MCM5: variants seen among roughly 807,000 people sequenced by gnomAD.
The protein encoded by MCM5 is DNA replication licensing factor MCM5.
MCM5 carries 46 observed loss-of-function variants against 79.9 expected under a neutral mutation model. That is an observed-to-expected ratio of 0.58 (90% CI 0.45 to 0.74). The LOEUF (loss-of-function observed/expected upper bound fraction) is 0.74. MCM5 is among the 30% of genes least tolerant of loss of function. MCM5 has a pLI of 0.00. For synonymous variants in MCM5, 404 were observed against 390.5 expected (o/e 1.03, Z -0.41); for missense variants, 883 against 1,017.0 (o/e 0.87, Z 1.79).
At position 35,414,068 on chromosome 22, in the gene MCM5, C is replaced by G. The variant is rs555773715; in HGVS notation, c.1203+82C>G. 4 of 828,284 alleles carry G rather than the reference C, an allele frequency of 4.8e-6. No homozygotes were observed. The African/African-American group carries it at 6.8e-5, about 14-fold the overall frequency. 51.3% of individuals were successfully genotyped at this position (828,284 alleles called of 1,614,324 possible). A position where few individuals can be genotyped will look rare whatever the true frequency, so the allele number is the denominator to read the frequency against. On this transcript the variant is annotated intron_variant, in intron 9 of 16. Transcript: ENST00000216122. ...CAGGGCCTCTGGGTCCTCAGGACAC[C>G]TGTGGTGGGCTGGCTCACCCGGAAT...
At chr22:35,406,493 A>G (rs529353648) in intron 4 of MCM5, 60 bp from the exon 5 acceptor site, 9 of 1,499,096 alleles carry the variant, frequency 6.0e-6, no homozygotes, top group Admixed American at 5.2e-5. Flanking sequence ...ATTTACTGGC[A>G]TATCTCAGAT....
the MCM5 span, among the ~76,000 whole-genome samples, chr22:35,447,391 A>T: frequency 3.3e-5 from 5 of 152,008 alleles, no homozygotes; most frequent in Non-Finnish European, 5.9e-5. Flanking sequence ...ATCTGTAAGG[A>T]GTCCTCTCTC....
the MCM5 span, among the ~76,000 whole-genome samples, chr22:35,437,505 G>T: frequency 6.6e-6 from 1 of 152,158 alleles, no homozygotes; most frequent in Non-Finnish European, 1.5e-5. Flanking sequence ...GAGAATCTTT[G>T]AACCCCTGGA....
chr22:35,403,446 G>C lies in MCM5; in HGVS notation c.327G>C (p.Glu109Asp). 6.2e-7 allele frequency: 1 copy of C among 1,614,224 alleles called. No homozygotes were observed. The highest frequency in any genetic ancestry group is 2.2e-5 in the East Asian group (1 of 44,886). Residue 109 changes from glutamate to aspartate, a missense_variant, in exon 4 of 17, where the codon GAG (glutamate) becomes GAC (aspartate). By Grantham distance (45) the Glu-to-Asp change is conservative (BLOSUM62 2). Coordinates refer to ENST00000216122, the MANE Select transcript of MCM5 (RefSeq NM_006739.4). The stretch of plus-strand genomic sequence containing the variant: ...AAGCTGCCAAGGAGGTAGCTGATGA[G>C]GTGACCCGGCCCCGGCCTTCTGGGG... Reference protein sequence around the residue: ...LEEAAKEVADEVTRPRPSGEE... With the variant: ...LEEAAKEVADDVTRPRPSGEE...
rs993403993 is a variant in MCM5, at chr22:35,406,646, C to T, written c.517C>T (p.Arg173Cys). The change falls in exon 5 of 17, where the codon CGC (arginine) becomes TGC (cysteine). Residue 173 changes from arginine to cysteine, a missense_variant. Physicochemically the swap from Arg to Cys is radical, Grantham distance 180. Transcript: ENST00000216122. ...GGCCACCCGCATCTCTATCCAGTGCCGCAGCTGCCGCAACACCCTCACCAA... is the reference window on the plus strand; with the variant it reads ...GGCCACCCGCATCTCTATCCAGTGCTGCAGCTGCCGCAACACCCTCACCAA... Reference protein sequence around the residue: ...AKATRISIQCRSCRNTLTNIA... With the variant: ...AKATRISIQCCSCRNTLTNIA... 6.8e-6 allele frequency: 11 copies of T among 1,612,422 alleles called. No homozygotes were observed. The highest frequency in any genetic ancestry group is 2.2e-5 in the South Asian group (2 of 91,082).
the MCM5 span, among the ~76,000 whole-genome samples, chr22:35,453,462 A>G: frequency 2.8e-5 from 4 of 143,516 alleles, no homozygotes; most frequent in African/African-American, 8.2e-5. Flanking sequence ...ATAGAAACAG[A>G]GACAGAGAAA....
rs1184914872 is a variant in MCM5, at chr22:35,406,667, A to C, written c.538A>C (p.Thr180Pro). 1 of 1,611,890 alleles carries C rather than the reference A, an allele frequency of 6.2e-7. No homozygotes were observed. The highest frequency in any genetic ancestry group is 8.5e-7 in the Non-Finnish European group (1 of 1,179,990). The change falls in exon 5 of 17, where the codon ACC (threonine) becomes CCC (proline). Residue 180 changes from threonine to proline, a missense_variant. Thr to Pro is a conservative substitution (Grantham distance 38). Around this residue, in one of 3 missense-constraint regions of MCM5, gnomAD observed 455 missense variants for 517.5 expected, o/e 0.88. Coordinates refer to ENST00000216122, the MANE Select transcript of MCM5 (RefSeq NM_006739.4). ...GTGCCGCAGCTGCCGCAACACCCTC[A>C]CCAACATTGCCATGCGCCCTGGCCT... ...IQCRSCRNTL[T>P]NIAMRPGLEG...
chr22:35,414,915 A>G (rs1932496399), intron 9 of MCM5, among the ~76,000 whole-genome samples: 1 of 152,204 alleles, frequency 6.6e-6, no homozygotes, highest in Admixed American at 6.5e-5. Context: ...AAGGTCTGAC[A>G]TGATCCGAGT....
Position 35,421,339 on chromosome 22 carries a change from C to T in MCM5, c.1854C>T (p.Arg618=). The part of the protein sequence containing the change: ...ITVRQLEAIV[R]IAEALSKMKL... The stretch of plus-strand genomic sequence containing the variant: ...ACAGGCAGCTGGAGGCCATTGTGCG[C>T]ATCGCGGAAGCCCTCAGCAAGATGA... Residue 618 remains arginine, a synonymous_variant, in exon 15 of 17, where the codon CGC becomes CGT. Transcript: ENST00000216122. The T allele has an allele frequency of 3.1e-6, 5 of 1,613,660 alleles. No individual in the cohort carries two copies. The highest frequency in any genetic ancestry group is 2.2e-5 in the South Asian group (2 of 91,086).
chr22:35,441,605 G>T, the MCM5 span, among the ~76,000 whole-genome samples: 1 of 152,166 alleles, frequency 6.6e-6, no homozygotes, highest in Non-Finnish European at 1.5e-5. Flanking sequence ...CAGGCAGTGG[G>T]TGTCCTGGCA....
At chr22:35,408,024 A>G (rs1199427135) in intron 5 of MCM5, among the ~76,000 whole-genome samples, 1 of 152,238 alleles carries the variant, frequency 6.6e-6, no homozygotes, top group African/African-American at 2.4e-5. Context: ...AATGGTCTAG[A>G]ACTGCCTAGA....
the MCM5 span, among the ~76,000 whole-genome samples, chr22:35,433,892 C>T: frequency 6.6e-6 from 1 of 152,246 alleles, no homozygotes; most frequent in Non-Finnish European, 1.5e-5. Flanking sequence ...ATCCCATGGA[C>T]TCAAGGGATT....
chr22:35,407,086 G>C (rs1601753860), intron 5 of MCM5, among the ~76,000 whole-genome samples: 1 of 152,196 alleles, frequency 6.6e-6, no homozygotes, highest in East Asian at 1.9e-4. Flanking sequence ...CCAGGAACAC[G>C]TTCGTTCATT....
chr22:35,416,894 A>G, intron 12 of MCM5, 80 bp downstream of exon 12: 2 of 1,513,644 alleles, frequency 1.3e-6, no homozygotes, highest in South Asian at 2.4e-5. Flanking sequence ...AGAATGGAGA[A>G]CAAGGGCCTT....
the MCM5 span, among the ~76,000 whole-genome samples, chr22:35,432,779 C>T: frequency 1.3e-5 from 2 of 151,070 alleles, no homozygotes; most frequent in South Asian, 2.1e-4. Context: ...GGCCAGGCAG[C>T]GCTGTGTGAG....
At chr22:35,408,285 T>C in intron 5 of MCM5, 123 bp from the exon 6 acceptor site, 1 of 837,224 alleles carries the variant, frequency 1.2e-6, no homozygotes, top group Non-Finnish European at 1.9e-6. Context: ...TATCTCCAGC[T>C]TATTCTGGAG....
chr22:35,413,483 A>G (rs1031690775), intron 8 of MCM5, among the ~76,000 whole-genome samples: 3 of 152,152 alleles, frequency 2.0e-5, no homozygotes, highest in Non-Finnish European at 2.9e-5. Context: ...TCCCCAGCAC[A>G]TGCAGGGGAG....
chr22:35,438,328 TATCC>T, the MCM5 span, among the ~76,000 whole-genome samples: 194 of 134,998 alleles, frequency 1.4e-3, no homozygotes, highest in Non-Finnish European at 1.8e-3. Context: ...TCCGTCCATC[TATCC>T]ATCCATCCAT....
intron 6 of MCM5, 132 bp downstream of exon 6, chr22:35,408,695 C>A (rs528181771): frequency 2.5e-5 from 22 of 895,032 alleles, no homozygotes; most frequent in South Asian, 7.1e-5. Context: ...TTGCAGAGCA[C>A]CTGCTCTGTG....
Sources: gnomAD v4.1 joint callset for allele counts (sites outside exome capture counted in the v4.1 genomes callset) on GRCh38, gnomAD v4.1.1 for gene constraint, gnomAD v4.1.1 regional missense constraint, MANE v1.5 for transcripts, NCBI Gene and HGNC (gene_info 2026-07-23, HGNC 2026-07-21) for gene names.